The following ZNHIT6 variants were observed in gnomAD, a reference collection of about 807,000 sequenced individuals.
ZNHIT6 encodes the protein zinc finger HIT-type containing 6, also known as box C/D snoRNA protein 1.
In ZNHIT6, 45 loss-of-function variants were observed where a neutral mutation model predicts 57.2. The ratio of observed to expected loss-of-function variants is 0.79; its 90% confidence interval spans 0.62 to 1.01. The LOEUF is 1.01. Among genes scored for constraint, ZNHIT6 ranks in the 50% least tolerant of loss-of-function variants. ZNHIT6 has a pLI of 0.00. For missense variants in ZNHIT6, 528 were observed against 567.3 expected, an observed-to-expected ratio of 0.93 and a Z score of 0.70; for synonymous variants, 188 against 190.0, an observed-to-expected ratio of 0.99 and a Z score of 0.09.
intron 1 of ZNHIT6, among the ~76,000 whole-genome samples, chr1:85,707,068 G>A (rs1662705026): frequency 1.3e-5 from 2 of 152,100 alleles, no homozygotes; most frequent in Admixed American, 1.3e-4. Context: ...CCAAACTACA[G>A]TTACTTCTAT....
intron 5 of ZNHIT6, among the ~76,000 whole-genome samples, chr1:85,685,862 T>G (rs1469440150): frequency 6.6e-6 from 1 of 150,828 alleles, no homozygotes; most frequent in African/African-American, 2.4e-5. Flanking sequence ...CCTGGCTGAT[T>G]TGTTACTTTT....
intron 6 of ZNHIT6, among the ~76,000 whole-genome samples, chr1:85,680,085 A>G (rs1661827824): frequency 6.6e-6 from 1 of 152,164 alleles, no homozygotes; most frequent in Admixed American, 6.5e-5. Context: ...CTGAGCCTTT[A>G]GTCCCACCTA....
At chr1:85,673,626 A>T (rs1661625277) in intron 8 of ZNHIT6, among the ~76,000 whole-genome samples, 1 of 152,188 alleles carries the variant, frequency 6.6e-6, no homozygotes, top group Non-Finnish European at 1.5e-5. Context: ...CATGTTTCTG[A>T]TTTCTAAGCA....
At chr1:85,670,787 C>T (rs1262229391) in intron 8 of ZNHIT6, among the ~76,000 whole-genome samples, 1 of 152,116 alleles carries the variant, frequency 6.6e-6, no homozygotes, top group Non-Finnish European at 1.5e-5. Flanking sequence ...ATGGAAGACT[C>T]ATTGTGGATG....
intron 5 of ZNHIT6, among the ~76,000 whole-genome samples, chr1:85,688,096 T>A (rs6699712): frequency 0.039 from 5,896 of 152,052 alleles, 408 homozygotes; most frequent in African/African-American, 0.14. Context: ...CAGTAAACTG[T>A]TTTACCAGAG....
intron 5 of ZNHIT6, among the ~76,000 whole-genome samples, chr1:85,698,755 T>C (rs1662449811): frequency 6.6e-6 from 1 of 152,088 alleles, no homozygotes; most frequent in African/African-American, 2.4e-5. Context: ...ACTGAATAAA[T>C]CTATAGTCAT....
At chr1:85,700,251 C>T (rs764863918) in intron 5 of ZNHIT6, among the ~76,000 whole-genome samples, 6 of 152,110 alleles carry the variant, frequency 3.9e-5, no homozygotes, top group Non-Finnish European at 7.4e-5. Flanking sequence ...TGAATTAATA[C>T]ACTAAAAGGC....
At chr1:85,658,984 A>C (rs1661150458) in intron 8 of ZNHIT6, among the ~76,000 whole-genome samples, 2 of 152,194 alleles carry the variant, frequency 1.3e-5, no homozygotes, top group Non-Finnish European at 2.9e-5. Context: ...TGAGCCTTAA[A>C]GACAACCAAT....
At chr1:85,664,122 G>A (rs933021421) in intron 8 of ZNHIT6, among the ~76,000 whole-genome samples, 2 of 152,254 alleles carry the variant, frequency 1.3e-5, no homozygotes, top group African/African-American at 2.4e-5. Flanking sequence ...AAGTTTTCAT[G>A]GACGATATCT....
In ZNHIT6 at chr1:85,652,656, T is replaced by C. The variant is rs1478356727; in HGVS notation, c.*1402A>G. 6.6e-6 allele frequency: 1 copy of C among 152,214 alleles called. No homozygotes were observed. Among genetic ancestry groups the C allele is most frequent in the African/African-American group, 2.4e-5 (1 of 41,458 alleles). The allele number at this position is 152,214 out of a possible 1,614,324, so 9.4% of individuals were successfully genotyped here. On this transcript the variant is annotated 3_prime_UTR_variant, in exon 10 of 10. Transcript: ENST00000370574. Reference sequence around the variant, plus strand: ...TTATCTTCTGCTCATCTTCTCATTCTCTTTTCATATTTCAGATCTTTTTAA... The same window carrying C: ...TTATCTTCTGCTCATCTTCTCATTCCCTTTTCATATTTCAGATCTTTTTAA...
intron 5 of ZNHIT6, among the ~76,000 whole-genome samples, chr1:85,701,537 T>C (rs1327652897): frequency 6.6e-6 from 1 of 152,228 alleles, no homozygotes; most frequent in Non-Finnish European, 1.5e-5. Flanking sequence ...TGTTATATTA[T>C]CTGTACTCAA....
At position 85,702,192 on chromosome 1, in the gene ZNHIT6, G is replaced by C; in HGVS notation, c.984C>G (p.Thr328=). The C allele has an allele frequency of 1.9e-6, 3 of 1,610,372 alleles. No individual in the cohort carries two copies. Among genetic ancestry groups the C allele is most frequent in the Non-Finnish European group, 2.5e-6 (3 of 1,178,852 alleles). ...INLKLLPNGF[T]KRKENSTFFD... Reference sequence around the variant, plus strand: ...AAAAGGTTGAATTCTCCTTCCTCTTGGTGAATCCATTGGGTAGAAGTTTTA... The same window carrying C: ...AAAAGGTTGAATTCTCCTTCCTCTTCGTGAATCCATTGGGTAGAAGTTTTA... Residue 328 remains threonine (T), a synonymous_variant, in exon 5 of 10, where the codon ACC becomes ACG. Transcript: ENST00000370574.
At position 85,696,377 on chromosome 1, in the gene ZNHIT6, G is replaced by T. The variant is rs557144628; in HGVS notation, c.1019+5780C>A. Among the ~76,000 whole-genome samples, 148 of 151,546 alleles carry T rather than the reference G, an allele frequency of 9.8e-4. 2 individuals are homozygous for T. The Middle Eastern group carries it at 0.021, about 21-fold the overall frequency. ...TAAACTCCAATTCTTTTTTTTCACT[G>T]AACATGTCATGGATAGTATTCCATG... On this transcript the variant is annotated intron_variant, in intron 5 of 9. Coordinates refer to ENST00000370574, the MANE Select transcript of ZNHIT6 (RefSeq NM_017953.4).
rs546014615 is a variant in ZNHIT6 at position 85,702,096 on chromosome 1, C to G, written c.1019+61G>C. The G allele has an allele frequency of 1.3e-5, 16 of 1,207,452 alleles. No individual in the cohort carries two copies. In the African/African-American group the frequency reaches 2.4e-4, roughly 18 times the overall value. 74.8% of individuals were successfully genotyped at this position (1,207,452 alleles called of 1,614,324 possible). On this transcript the variant is annotated intron_variant, in intron 5 of 9. Coordinates refer to ENST00000370574, the MANE Select transcript of ZNHIT6 (RefSeq NM_017953.4). ...GTAGCAATGCTCTATAGCAACCAAA[C>G]CTTAAAGAATGATCCTGATCAAATC...
chr1:85,680,730 C>T, intron 6 of ZNHIT6, 106 bp downstream of exon 6: 6 of 762,274 alleles, frequency 7.9e-6, no homozygotes, highest in South Asian at 2.1e-5. Context: ...ATAAATACAC[C>T]ACAATTTAGT....
intron 9 of ZNHIT6, among the ~76,000 whole-genome samples, chr1:85,656,920 A>G (rs1570279873): frequency 6.6e-6 from 1 of 152,166 alleles, no homozygotes. Flanking sequence ...TAATGCTGGT[A>G]TAACAATAAA....
Position 85,708,274 on chromosome 1 carries a change from G to T in ZNHIT6, c.11C>A (p.Ala4Asp), listed in dbSNP as rs769415799. 2.5e-6 allele frequency: 4 copies of T among 1,598,856 alleles called. No individual in the cohort carries two copies. The South Asian group carries it at 4.4e-5, about 18-fold the overall frequency. ...CCCAGACTTCCCTTCATTTTCAGCAGCAAACTCCATCAACTCACGATCCTT... is the reference window on the plus strand; with the variant it reads ...CCCAGACTTCCCTTCATTTTCAGCATCAAACTCCATCAACTCACGATCCTT... MEF[A>D]AENEGKSGGG... The change falls in exon 1 of 10, where the codon GCT becomes GAT. Residue 4 changes from alanine (A) to aspartate (D), a missense_variant. Physicochemically the swap from Ala to Asp is moderately radical, Grantham distance 126 (BLOSUM62 -2). Transcript: ENST00000370574.
chr1:85,654,110 T>A lies in ZNHIT6; in HGVS notation c.1373-12A>T, dbSNP rs374175023. 121 of 1,609,082 alleles carry A rather than the reference T, an allele frequency of 7.5e-5. No homozygotes were observed. The African/African-American group carries it at 1.4e-3, about 18-fold the overall frequency. On this transcript the variant is annotated splice_polypyrimidine_tract_variant and intron_variant, in intron 9 of 9. Transcript: ENST00000370574. ...AGATTCACTCTTCACTAGAAAAAAA[T>A]AAGTAAACATACAGTCAAGTGTTTA... is the stretch of plus-strand genomic sequence containing the variant.
chr1:85,703,800 G>C (rs972362724), intron 4 of ZNHIT6, among the ~76,000 whole-genome samples: 2 of 151,998 alleles, frequency 1.3e-5, no homozygotes, highest in African/African-American at 4.8e-5. Flanking sequence ...TTAAAACTAA[G>C]AACATCCATT....
Sources: gnomAD v4.1 joint callset for allele counts (sites outside exome capture counted in the v4.1 genomes callset) on GRCh38, gnomAD v4.1.1 for gene constraint, MANE v1.5 for transcripts, NCBI Gene and HGNC (gene_info 2026-07-23, HGNC 2026-07-21) for gene names.